The following MTO1 variants were observed in gnomAD, a reference collection of about 807,000 sequenced individuals.
MTO1 encodes the protein mitochondrial tRNA translation optimization 1, also known as 5-taurinomethyluridine-[tRNA] synthase subunit MTO1, mitochondrial.
Under a neutral mutation model 71.6 loss-of-function variants are expected in MTO1, and 46 were observed. That is an observed-to-expected ratio of 0.64 (90% CI 0.51 to 0.82). The LOEUF (loss-of-function observed/expected upper bound fraction) is 0.82, where lower values mean the gene tolerates loss of function less well. Ranked by LOEUF, MTO1 falls within the 40% of genes least tolerant of loss-of-function variation. The pLI is 0.00. For synonymous variants in MTO1, 297 were observed against 312.1 expected, an observed-to-expected ratio of 0.95 and a Z score of 0.51; for missense variants, 773 against 867.5, an observed-to-expected ratio of 0.89 and a Z score of 1.37.
intron 3 of MTO1, chr6:73,471,930 T>G (rs546624326): frequency 6.6e-6 from 1 of 152,430 alleles, no homozygotes; most frequent in South Asian, 2.1e-4. Flanking sequence ...CATCCCAAAT[T>G]AAAATTCTGT....
At chr6:73,496,954 G>T (rs1423005472) in intron 10 of MTO1, among the ~76,000 whole-genome samples, 4 of 151,360 alleles carry the variant, frequency 2.6e-5, no homozygotes, top group Non-Finnish European at 5.9e-5. Context: ...TTAGGAGGCT[G>T]AGGCAGGAGA....
Position 73,500,594 on chromosome 6 carries a change from AC to A in MTO1, c.1941del (p.Gly648GlufsTer2). On this transcript the variant is annotated frameshift_variant, in exon 12 of 12. Coordinates refer to ENST00000498286, the MANE Select transcript of MTO1 (RefSeq NM_012123.4). LOFTEE classifies it low-confidence loss of function (END_TRUNC). ...TTTAGATCGGGGCTGCTAGTCGCAT[AC>A]CCGGAGTAACACCTGCCGCCATCAT... ...PQTIGAASRI[P>X]GVTPAAIINL... 6.2e-7 allele frequency: 1 copy of A among 1,613,196 alleles called. No individual in the cohort carries two copies. The highest frequency in any genetic ancestry group is 8.5e-7 in the Non-Finnish European group (1 of 1,179,732).
chr6:73,491,426 A>T (rs1771801584), intron 9 of MTO1, among the ~76,000 whole-genome samples: 1 of 151,870 alleles, frequency 6.6e-6, no homozygotes, highest in African/African-American at 2.4e-5. Flanking sequence ...AGAAGAAGAA[A>T]AAGACTTATG....
Position 73,463,273 on chromosome 6 carries a change from C to T in MTO1, c.217+1202C>T, listed in dbSNP as rs558039740. 4.1e-3 allele frequency among the ~76,000 whole-genome samples: 621 copies of T among 152,008 alleles called. 1 individual carries two copies. Among genetic ancestry groups the T allele is most frequent in the African/African-American group, 0.014 (563 of 41,442 alleles). On this transcript the variant is annotated intron_variant, in intron 1 of 11. Coordinates refer to ENST00000498286, the MANE Select transcript of MTO1 (RefSeq NM_012123.4). ...GTCTCGATCTCCTGACCTTGTGATC[C>T]GCCCGCCTCGGCCTCCCAAAATGCT...
In MTO1 at chr6:73,473,658, A is replaced by G. The variant is rs746779765; in HGVS notation, c.825+4A>G. ...CAATGAGACAGTATGGATTAAGGTAAGATACTTTACGAAAACCTGGCTTAC... is the reference window on the plus strand; with the variant it reads ...CAATGAGACAGTATGGATTAAGGTAGGATACTTTACGAAAACCTGGCTTAC... On this transcript the variant is annotated splice_donor_region_variant and intron_variant, in intron 4 of 11. Coordinates refer to ENST00000498286, the MANE Select transcript of MTO1 (RefSeq NM_012123.4). 1.9e-6 allele frequency: 3 copies of G among 1,594,670 alleles called. No homozygotes were observed. The highest frequency in any genetic ancestry group is 4.5e-5 in the East Asian group (2 of 44,450).
chr6:73,464,624 A>G (rs1001849163), intron 1 of MTO1, among the ~76,000 whole-genome samples: 1 of 151,470 alleles, frequency 6.6e-6, no homozygotes, highest in Non-Finnish European at 1.5e-5. Context: ...TATTAAAAAT[A>G]GAAAATTAAA....
chr6:73,493,712 A>T (rs1163070616), intron 10 of MTO1, among the ~76,000 whole-genome samples: 1 of 151,598 alleles, frequency 6.6e-6, no homozygotes, highest in African/African-American at 2.4e-5. Context: ...ATCTTTATAT[A>T]TTTTTTTAAC....
At chr6:73,475,001 C>A (rs1319146876) in intron 4 of MTO1, among the ~76,000 whole-genome samples, 1 of 152,084 alleles carries the variant, frequency 6.6e-6, no homozygotes, top group Non-Finnish European at 1.5e-5. Context: ...GTAATCCACC[C>A]TCCTCAGCCT....
In MTO1 at chr6:73,480,175, A is replaced by G. The variant is rs1162774651; in HGVS notation, c.1129+49A>G. ...TCAGTATAAGGTCAGCATTGTTTTA[A>G]TGGTCAGTGAGGAGGCCTTAGCTAC... On this transcript the variant is annotated intron_variant, in intron 6 of 11. Transcript: ENST00000498286. The G allele has an allele frequency of 5.1e-6, 8 of 1,575,036 alleles. No individual in the cohort carries two copies. The African/African-American group carries it at 1.1e-4, about 21-fold the overall frequency.
Position 73,482,484 on chromosome 6 carries a change from T to G in MTO1, c.1501T>G (p.Tyr501Asp), listed in dbSNP as rs143378575. Residue 501 changes from tyrosine (Y) to aspartate (D), a missense_variant, in exon 9 of 12, where the codon TAT becomes GAT. By Grantham distance (160) the Tyr-to-Asp change is radical. Coordinates refer to ENST00000498286, the MANE Select transcript of MTO1 (RefSeq NM_012123.4). ...KDAGCVSQQR[Y>D]ERACWMKSSL... is the part of the protein sequence containing the mutation. ...CGCTGGCTGTGTGTCCCAACAACGA[T>G]ATGAAAGAGCTTGTTGGATGAAGTC... 1 of 1,613,426 alleles carries G rather than the reference T, an allele frequency of 6.2e-7. No homozygotes were observed. The highest frequency in any genetic ancestry group is 1.1e-5 in the South Asian group (1 of 91,046).
At chr6:73,478,789 A>T (rs9293931) in intron 4 of MTO1, among the ~76,000 whole-genome samples, 12 of 152,008 alleles carry the variant, frequency 7.9e-5, no homozygotes, top group Non-Finnish European at 1.5e-4. Context: ...TGATCCACAC[A>T]CCTTGGCCTC....
intron 10 of MTO1, among the ~76,000 whole-genome samples, chr6:73,493,389 T>TGTGTGTGTGTGTGTG (rs765274183): frequency 1.4e-5 from 2 of 147,534 alleles, no homozygotes; most frequent in East Asian, 4.0e-4. Flanking sequence ...TGTGTGTGTG[T>TGTGTGTGTGTGTGTG]TTTGGTTTTT....
chr6:73,483,784 ATTTTTTTTTT>A (rs35787647), intron 9 of MTO1, among the ~76,000 whole-genome samples: 1 of 104,094 alleles, frequency 9.6e-6, no homozygotes. Context: ...ACACCTGGCT[ATTTTTTTTTT>A]TTTTTTTTTT....
intron 9 of MTO1, among the ~76,000 whole-genome samples, chr6:73,490,033 TG>T (rs1342287847): frequency 2.6e-5 from 4 of 152,234 alleles, no homozygotes; most frequent in African/African-American, 7.2e-5. Flanking sequence ...ATTTCTCTGA[TG>T]GCCAGTGATG....
At position 73,497,811 on chromosome 6, in the gene MTO1, C is replaced by T; in HGVS notation, c.1832C>T (p.Pro611Leu). ...CAGCAAGATGAAGCTCTCCAACTGCCAAAAGACCTAGATTATTTGACTATC... is the reference window on the plus strand; with the variant it reads ...CAGCAAGATGAAGCTCTCCAACTGCTAAAAGACCTAGATTATTTGACTATC... ...GVQQDEALQLPKDLDYLTIRD... is the reference protein window; with the variant it reads ...GVQQDEALQLLKDLDYLTIRD... The change falls in exon 11 of 12, where the codon CCA becomes CTA. Residue 611 changes from proline (P) to leucine (L), a missense_variant. Physicochemically the swap from Pro to Leu is moderately conservative, Grantham distance 98. Transcript: ENST00000498286. 6.2e-7 allele frequency: 1 copy of T among 1,613,752 alleles called. No homozygotes were observed. Among genetic ancestry groups the T allele is most frequent in the Non-Finnish European group, 8.5e-7 (1 of 1,179,756 alleles).
intron 10 of MTO1, among the ~76,000 whole-genome samples, chr6:73,493,354 A>AAGTGTGTGTGTG (rs1771878864): frequency 1.4e-5 from 2 of 139,354 alleles, no homozygotes; most frequent in Non-Finnish European, 3.1e-5. Flanking sequence ...ATGTGCATGT[A>AAGTGTGTGTGTG]TGTGTGTGTG....
chr6:73,491,657 A>G (rs372349548), intron 9 of MTO1, among the ~76,000 whole-genome samples: 1 of 152,188 alleles, frequency 6.6e-6, no homozygotes, highest in Admixed American at 6.6e-5. Context: ...AACCCTTGTT[A>G]TGAGATGATA....
rs372216637 is a variant in MTO1, at chr6:73,481,258, A to G, written c.1260+453A>G. 1,069 of 166,662 alleles carry G rather than the reference A, an allele frequency of 6.4e-3. 9 individuals are homozygous for G. The highest frequency in any genetic ancestry group is 0.024 in the African/African-American group (1,018 of 41,636). 10.3% of individuals were successfully genotyped at this position (166,662 alleles called of 1,614,324 possible). On this transcript the variant is annotated intron_variant, in intron 7 of 11. Coordinates refer to ENST00000498286, the MANE Select transcript of MTO1 (RefSeq NM_012123.4). The stretch of plus-strand genomic sequence containing the variant: ...TGTGAACCACCTTGCCCAGCCAATA[A>G]TAGGATTATTAAAACACTATGGCTT...
chr6:73,476,536 A>G (rs1771327750), intron 4 of MTO1, among the ~76,000 whole-genome samples: 1 of 152,138 alleles, frequency 6.6e-6, no homozygotes, highest in South Asian at 2.1e-4. Flanking sequence ...TAAACCATTG[A>G]ACGTCACTCA....
Sources: allele counts gnomAD v4.1 joint callset (sites outside exome capture counted in the v4.1 genomes callset), GRCh38; gene constraint gnomAD v4.1.1; transcripts MANE v1.5; gene names NCBI Gene and HGNC (gene_info 2026-07-23, HGNC 2026-07-21).